The following TRPS1 variants were observed in gnomAD, a reference collection of about 807,000 sequenced individuals.
The protein encoded by TRPS1 is transcriptional repressor GATA binding 1.
Under a neutral mutation model 101.2 loss-of-function variants are expected in TRPS1, and 6 were observed. The observed-to-expected ratio is 0.06, with a 90% confidence interval of 0.03 to 0.12. The LOEUF (loss-of-function observed/expected upper bound fraction) is 0.12, where lower values mean the gene tolerates loss of function less well. Among genes scored for constraint, TRPS1 ranks in the 10% least tolerant of loss-of-function variants. The probability of loss-of-function intolerance (pLI) is 1.00; values close to 1 mark genes in which losing one functional copy is unlikely to be tolerated. For synonymous variants in TRPS1, 578 were observed against 589.8 expected (o/e 0.98, Z 0.29); for missense variants, 1,363 against 1,567.0 (o/e 0.87, Z 2.20).
chr8:115,409,560 A>G lies in TRPS1; in HGVS notation c.*4463T>C, dbSNP rs1178149381. ...TATTCCAGAAGTTCTAATTACTGCAATTAACTGGGATGCTTTCTAAGCAAC... is the reference window on the plus strand; with the variant it reads ...TATTCCAGAAGTTCTAATTACTGCAGTTAACTGGGATGCTTTCTAAGCAAC... On this transcript the variant is annotated 3_prime_UTR_variant, in exon 7 of 7. Coordinates refer to ENST00000395715, the MANE Select transcript of TRPS1 (RefSeq NM_014112.5). The G allele has an allele frequency of 1.3e-5, 2 of 152,022 alleles. No homozygotes were observed. The highest frequency in any genetic ancestry group is 2.9e-5 in the Non-Finnish European group (2 of 67,960). The allele number at this position is 152,022 out of a possible 1,614,324, so 9.4% of individuals were successfully genotyped here. A position where few individuals can be genotyped will look rare whatever the true frequency, so the allele number is the denominator to read the frequency against.
At chr8:115,600,567 C>T (rs1366971207) in intron 4 of TRPS1, among the ~76,000 whole-genome samples, 2 of 152,126 alleles carry the variant, frequency 1.3e-5, no homozygotes, top group Non-Finnish European at 2.9e-5. Context: ...GCAACATCGA[C>T]ATTGGCATTT....
Position 115,476,241 on chromosome 8 carries a change from G to A in TRPS1, c.2701-57789C>T, listed in dbSNP as rs541457917. Among the ~76,000 whole-genome samples, 56 of 20,856 alleles carry A rather than the reference G, an allele frequency of 2.7e-3. 18 individuals are homozygous for A. The highest frequency in any genetic ancestry group is 5.1e-3 in the African/African-American group (4 of 788). The allele number at this position is 20,856 out of a possible 152,430, so 13.7% of individuals were successfully genotyped here. On this transcript the variant is annotated intron_variant, in intron 5 of 6. Coordinates refer to ENST00000395715, the MANE Select transcript of TRPS1 (RefSeq NM_014112.5). The stretch of plus-strand genomic sequence containing the variant: ...TCACCGTTTTAGCCGGGATGGTCTC[G>A]ATCTCCTGACCTCGTGATCCGCCCG...
At chr8:115,508,735 T>C (rs1815507128) in intron 5 of TRPS1, among the ~76,000 whole-genome samples, 1 of 151,982 alleles carries the variant, frequency 6.6e-6, no homozygotes, top group Non-Finnish European at 1.5e-5. Flanking sequence ...CTAGAAAACC[T>C]TTCTCTTGTA....
chr8:115,622,248 A>C (rs1301060771), intron 2 of TRPS1, among the ~76,000 whole-genome samples: 1 of 152,046 alleles, frequency 6.6e-6, no homozygotes, highest in East Asian at 1.9e-4. Flanking sequence ...TCAATGTCTT[A>C]TGTGTTATGT....
intron 5 of TRPS1, among the ~76,000 whole-genome samples, chr8:115,432,599 T>C (rs186789858): frequency 4.6e-4 from 70 of 152,058 alleles, no homozygotes; most frequent in African/African-American, 1.6e-3. Flanking sequence ...TGAACTCAAT[T>C]CACATTAAAA....
At chr8:115,499,407 T>C (rs1392433854) in intron 5 of TRPS1, among the ~76,000 whole-genome samples, 1 of 152,232 alleles carries the variant, frequency 6.6e-6, no homozygotes, top group African/African-American at 2.4e-5. Context: ...ATATCCTTCT[T>C]GTGTGTCTTT....
At chr8:115,536,762 T>C (rs577164463) in intron 5 of TRPS1, among the ~76,000 whole-genome samples, 1 of 151,834 alleles carries the variant, frequency 6.6e-6, no homozygotes, top group South Asian at 2.1e-4. Flanking sequence ...AGGACTTCAG[T>C]GAGTACTTAC....
At chr8:115,625,905 C>T (rs554882550) in intron 1 of TRPS1, among the ~76,000 whole-genome samples, 2 of 151,888 alleles carry the variant, frequency 1.3e-5, no homozygotes, top group East Asian at 1.9e-4. Context: ...TGCCAGATGA[C>T]ATTTTCTTTT....
At chr8:115,579,914 A>G (rs1817403465) in intron 5 of TRPS1, among the ~76,000 whole-genome samples, 1 of 75,078 alleles carries the variant, frequency 1.3e-5, no homozygotes, top group Admixed American at 1.3e-4. Context: ...GTGTGCTGTC[A>G]TCAGAAAAAA....
chr8:115,494,358 A>G (rs1815099564), intron 5 of TRPS1, among the ~76,000 whole-genome samples: 2 of 152,210 alleles, frequency 1.3e-5, no homozygotes, highest in South Asian at 4.1e-4. Context: ...AAATAGTATT[A>G]TACTACCTGG....
At chr8:115,551,683 TAG>T (rs1226533904) in intron 5 of TRPS1, among the ~76,000 whole-genome samples, 9 of 152,308 alleles carry the variant, frequency 5.9e-5, no homozygotes, top group African/African-American at 2.2e-4. Context: ...TGCTTTTGAA[TAG>T]ACTTATATCT....
chr8:115,409,162 A>G lies in TRPS1; in HGVS notation c.*4861T>C, dbSNP rs1177700555. 3 of 148,514 alleles carry G rather than the reference A, an allele frequency of 2.0e-5. No individual in the cohort carries two copies. The highest frequency in any genetic ancestry group is 4.5e-5 in the Non-Finnish European group (3 of 67,294). The allele number at this position is 148,514 out of a possible 1,614,324, so 9.2% of individuals were successfully genotyped here. On this transcript the variant is annotated 3_prime_UTR_variant, in exon 7 of 7. Transcript: ENST00000395715. ...AAACAAGTACTACATTACCATTATT[A>G]TTATTAATAATATTATTAATACATA...
At chr8:115,420,320 C>T (rs1813021988) in intron 5 of TRPS1, among the ~76,000 whole-genome samples, 1 of 152,172 alleles carries the variant, frequency 6.6e-6, no homozygotes, top group African/African-American at 2.4e-5. Context: ...TTGTGTTTAT[C>T]AAACATTTTG....
chr8:115,519,896 C>T (rs965912724), intron 5 of TRPS1, among the ~76,000 whole-genome samples: 21 of 151,778 alleles, frequency 1.4e-4, no homozygotes, highest in African/African-American at 4.8e-4. Context: ...ACAAAATAAT[C>T]TAGAATATGC....
chr8:115,529,503 C>T (rs1261811624), intron 5 of TRPS1, among the ~76,000 whole-genome samples: 1 of 152,040 alleles, frequency 6.6e-6, no homozygotes, highest in Non-Finnish European at 1.5e-5. Flanking sequence ...ATTGATTTTA[C>T]ATTAACAAAA....
chr8:115,545,821 T>C (rs1361273109), intron 5 of TRPS1, among the ~76,000 whole-genome samples: 2 of 152,148 alleles, frequency 1.3e-5, no homozygotes, highest in African/African-American at 2.4e-5. Context: ...GGCTTCATTG[T>C]TTTATTTCAA....
At chr8:115,560,440 G>A (rs1816920419) in intron 5 of TRPS1, among the ~76,000 whole-genome samples, 1 of 152,062 alleles carries the variant, frequency 6.6e-6, no homozygotes, top group South Asian at 2.1e-4. Context: ...GGTGTAAAGG[G>A]GCCATTTAAA....
chr8:115,623,798 G>A (rs933153305), intron 1 of TRPS1, 40 bp from the exon 2 acceptor site: 2 of 1,413,520 alleles, frequency 1.4e-6, no homozygotes, highest in South Asian at 1.6e-5. Flanking sequence ...CTTCCTAAAT[G>A]ATGTAAACAT....
At chr8:115,667,984 C>A in intron 1 of TRPS1, 3 of 1,303,728 alleles carry the variant, frequency 2.3e-6, no homozygotes, top group Non-Finnish European at 3.2e-6. Flanking sequence ...CCAGCTCCTC[C>A]GCTGCGCCCG....
Sources: gnomAD v4.1 joint callset for allele counts (sites outside exome capture counted in the v4.1 genomes callset) on GRCh38, gnomAD v4.1.1 for gene constraint, MANE v1.5 for transcripts, NCBI Gene and HGNC (gene_info 2026-07-23, HGNC 2026-07-21) for gene names.